The following PPP2R3C variants were observed in gnomAD, a reference collection of about 807,000 sequenced individuals.
PPP2R3C encodes the protein serine/threonine-protein phosphatase 2A regulatory subunit B'' subunit gamma.
In PPP2R3C, 47 loss-of-function variants were observed where a neutral mutation model predicts 63.7. That is an observed-to-expected ratio of 0.74 (90% CI 0.58 to 0.94). The LOEUF (loss-of-function observed/expected upper bound fraction) is 0.94, where lower values mean the gene tolerates loss of function less well. Ranked by LOEUF, PPP2R3C falls within the 40% of genes least tolerant of loss-of-function variation. The pLI, the probability that PPP2R3C is intolerant of heterozygous loss-of-function variation, is 0.00. For missense variants in PPP2R3C, 421 were observed against 518.4 expected, an observed-to-expected ratio of 0.81 and a Z score of 1.82; for synonymous variants, 180 against 177.4, an observed-to-expected ratio of 1.01 and a Z score of -0.12.
chr14:35,115,241 C>A (rs1230858019), intron 2 of PPP2R3C, among the ~76,000 whole-genome samples: 1 of 147,644 alleles, frequency 6.8e-6, no homozygotes, highest in East Asian at 2.0e-4. Context: ...CAGCTCACTG[C>A]AGCCTCAAGC....
chr14:35,092,670 T>C (rs1292982128), intron 10 of PPP2R3C, among the ~76,000 whole-genome samples: 1 of 152,052 alleles, frequency 6.6e-6, no homozygotes, highest in Non-Finnish European at 1.5e-5. Flanking sequence ...TTCTCCAAGT[T>C]GGTCAGGCTG....
At chr14:35,111,180 A>G (rs2046546632) in intron 2 of PPP2R3C, among the ~76,000 whole-genome samples, 1 of 144,662 alleles carries the variant, frequency 6.9e-6, no homozygotes. Flanking sequence ...GGTTGCAGTG[A>G]GCTGAGATCA....
intron 12 of PPP2R3C, chr14:35,086,206 TTTTG>T (rs1044105486): frequency 4.5e-5 from 7 of 156,086 alleles, no homozygotes; most frequent in African/African-American, 7.2e-5. Flanking sequence ...TGTTGTTTTG[TTTTG>T]TTTTTGAGAT....
chr14:35,107,873 T>G, intron 5 of PPP2R3C: 1 of 432,362 alleles, frequency 2.3e-6, no homozygotes, highest in Non-Finnish European at 4.0e-6. Flanking sequence ...TAAATTAAAA[T>G]TATTTCAAAT....
upstream of PPP2R3C, chr14:35,122,232 T>C (rs2046933106): frequency 2.1e-6 from 1 of 471,866 alleles, no homozygotes; most frequent in East Asian, 3.5e-5. Context: ...CAAGCCGGAT[T>C]TTAAAGGCCA....
rs546377767 is a variant in PPP2R3C, at chr14:35,095,687, A to AAC, written c.839-504_839-503insGT. ...CACCGTCTCTACTAAAAAAAAAAAC[A>AAC]AAAAAAAAAAACATTAGCCGGGTGT... is the stretch of plus-strand genomic sequence containing the variant. On this transcript the variant is annotated intron_variant, in intron 9 of 12. Coordinates refer to ENST00000261475, the MANE Select transcript of PPP2R3C (RefSeq NM_017917.4). 4.1e-3 allele frequency among the ~76,000 whole-genome samples: 516 copies of AAC among 124,674 alleles called. 5 individuals are homozygous for AAC. Among genetic ancestry groups the AAC allele is most frequent in the Non-Finnish European group, 7.7e-3 (406 of 52,606 alleles). 81.8% of individuals were successfully genotyped at this position (124,674 alleles called of 152,430 possible).
upstream of PPP2R3C, chr14:35,122,146 G>A (rs80028249): frequency 1.9e-3 from 1,135 of 592,778 alleles, 13 homozygotes; most frequent in African/African-American, 0.019. Context: ...GGAGAATACC[G>A]CTACCACGCT....
intron 5 of PPP2R3C, 153 bp downstream of exon 5, chr14:35,107,986 C>A: frequency 2.5e-6 from 3 of 1,191,304 alleles, no homozygotes; most frequent in Non-Finnish European, 3.3e-6. Flanking sequence ...TTATGCTAAC[C>A]CAAGTTTATG....
chr14:35,094,987 G>A (rs796911221), intron 10 of PPP2R3C, 61 bp downstream of exon 10: 1 of 1,514,198 alleles, frequency 6.6e-7, no homozygotes, highest in South Asian at 1.2e-5. Flanking sequence ...TCAAGAAAAG[G>A]GTTTGTGGAA....
chr14:35,089,040 A>G (rs1595072855), intron 11 of PPP2R3C, among the ~76,000 whole-genome samples: 1 of 152,196 alleles, frequency 6.6e-6, no homozygotes, highest in South Asian at 2.1e-4. Context: ...GGGCATTCCT[A>G]TGATGGGTTG....
rs2045560418 is a variant in PPP2R3C, at chr14:35,085,482, A to G, written c.*108T>C. 2.0e-6 allele frequency: 2 copies of G among 992,204 alleles called. No homozygotes were observed. The highest frequency in any genetic ancestry group is 2.8e-6 in the Non-Finnish European group (2 of 706,372). The allele number at this position is 992,204 out of a possible 1,614,324, so 61.5% of individuals were successfully genotyped here. ...AACCAAAACATTTGCTGTGTTCTCT[A>G]GGCATATCAAGTGTTTTATTTAGAC... On this transcript the variant is annotated 3_prime_UTR_variant, in exon 13 of 13. Coordinates refer to ENST00000261475, the MANE Select transcript of PPP2R3C (RefSeq NM_017917.4).
chr14:35,115,085 T>C (rs1215492238), intron 2 of PPP2R3C, among the ~76,000 whole-genome samples: 2 of 151,422 alleles, frequency 1.3e-5, no homozygotes, highest in African/African-American at 4.8e-5. Context: ...TCTCCCTTCC[T>C]CACCCTCTCA....
intron 6 of PPP2R3C, chr14:35,099,609 G>T: frequency 2.3e-6 from 1 of 438,864 alleles, no homozygotes. Flanking sequence ...AGGGAACAAA[G>T]ATATTGATTA....
intron 2 of PPP2R3C, among the ~76,000 whole-genome samples, chr14:35,111,483 A>G (rs909182489): frequency 6.6e-6 from 1 of 152,228 alleles, no homozygotes; most frequent in Non-Finnish European, 1.5e-5. Flanking sequence ...ATAATAGCTC[A>G]TCCCAAAACT....
rs895768484 is a variant in PPP2R3C at position 35,090,412 on chromosome 14, T to C, written c.1113+658A>G. ...ATGTGGACCCAGTTATTGGGGAGGC[T>C]GAGTGGGAAGACTGCCTGAGCCCAG... On this transcript the variant is annotated intron_variant, in intron 11 of 12. Transcript: ENST00000261475. 2.6e-5 allele frequency among the ~76,000 whole-genome samples: 4 copies of C among 152,040 alleles called. No homozygotes were observed. The East Asian group carries it at 7.7e-4, about 29-fold the overall frequency.
At chr14:35,119,069 G>A (rs535421998) in intron 1 of PPP2R3C, among the ~76,000 whole-genome samples, 76 of 141,286 alleles carry the variant, frequency 5.4e-4, no homozygotes, top group Middle Eastern at 4.0e-3. Context: ...ATGTAGTCTC[G>A]TTCTATCGCC....
At chr14:35,098,025 T>C (rs2046055385) in intron 7 of PPP2R3C, among the ~76,000 whole-genome samples, 1 of 152,138 alleles carries the variant, frequency 6.6e-6, no homozygotes, top group South Asian at 2.1e-4. Flanking sequence ...GAGATGAAAA[T>C]GAATGAATCC....
intron 11 of PPP2R3C, among the ~76,000 whole-genome samples, 166 bp downstream of exon 11, chr14:35,090,904 A>G (rs1293903727): frequency 6.6e-6 from 1 of 151,890 alleles, no homozygotes. Flanking sequence ...TTTAGTAGAG[A>G]CGGGGTTTCA....
rs1271192591 is a variant in PPP2R3C at position 35,121,964 on chromosome 14, G to A, written c.-5C>T. On this transcript the variant is annotated 5_prime_UTR_variant, in exon 1 of 13. Coordinates refer to ENST00000261475, the MANE Select transcript of PPP2R3C (RefSeq NM_017917.4). ...AAGAACTTCTTTCCAGTCCATGGCC[G>A]ACTTCCGCGCAGCAGCTTCTGCATT... 1.2e-6 allele frequency: 2 copies of A among 1,614,006 alleles called. No homozygotes were observed. The highest frequency in any genetic ancestry group is 1.7e-6 in the Non-Finnish European group (2 of 1,180,028).
Sources: gnomAD v4.1 joint callset for allele counts (sites outside exome capture counted in the v4.1 genomes callset) on GRCh38, gnomAD v4.1.1 for gene constraint, MANE v1.5 for transcripts, NCBI Gene and HGNC (gene_info 2026-07-23, HGNC 2026-07-21) for gene names.